Variants in CSMD1 observed in about 807,000 individuals in gnomAD.
CSMD1 encodes CUB and Sushi multiple domains 1.
In CSMD1, 213 loss-of-function variants were observed where a neutral mutation model predicts 417.5. That is an observed-to-expected ratio of 0.51 (90% CI 0.46 to 0.57). The LOEUF (loss-of-function observed/expected upper bound fraction) is 0.57. Ranked by LOEUF, CSMD1 falls within the 20% of genes least tolerant of loss-of-function variation. The pLI, the probability that CSMD1 is intolerant of heterozygous loss-of-function variation, is 0.00. For missense variants in CSMD1, 6,923 were observed against 4,529.7 expected, an observed-to-expected ratio of 1.53 and a Z score of -15.17; for synonymous variants, 2,862 against 1,736.8, an observed-to-expected ratio of 1.65 and a Z score of -16.11.
At chr8:3,301,743 G>C (rs556534035) in intron 25 of CSMD1, among the ~76,000 whole-genome samples, 157 of 152,264 alleles carry the variant, frequency 1.0e-3, no homozygotes, top group East Asian at 1.9e-4. Flanking sequence ...TATGGTTCTG[G>C]GTAAGGAGCT....
intron 3 of CSMD1, among the ~76,000 whole-genome samples, chr8:4,368,147 AT>A (rs1048339140): frequency 6.6e-6 from 1 of 152,094 alleles, no homozygotes; most frequent in African/African-American, 2.4e-5. Flanking sequence ...ATAGATGATC[AT>A]TTTTTTGAGA....
chr8:3,682,193 G>A (rs1261983004), intron 7 of CSMD1, among the ~76,000 whole-genome samples: 2 of 152,118 alleles, frequency 1.3e-5, no homozygotes, highest in African/African-American at 2.4e-5. Context: ...TGACAAATGG[G>A]ATCTAATTAA....
chr8:3,933,221 G>C (rs1584990181), intron 5 of CSMD1, among the ~76,000 whole-genome samples: 1 of 135,680 alleles, frequency 7.4e-6, no homozygotes, highest in East Asian at 2.1e-4. Context: ...TTGTTAAGTA[G>C]AAAAGGAGAA....
chr8:4,664,122 C>T (rs973476015), intron 1 of CSMD1, among the ~76,000 whole-genome samples: 2 of 152,202 alleles, frequency 1.3e-5, no homozygotes, highest in African/African-American at 2.4e-5. Context: ...AAATTTCTCA[C>T]ACCTGGACAG....
rs181744125 is a variant in CSMD1 at position 4,698,292 on chromosome 8, T to C, written c.86-60734A>G. Among the ~76,000 whole-genome samples the C allele has an allele frequency of 6.9e-3, 1,050 of 152,244 alleles. 13 individuals are homozygous for C. The highest frequency in any genetic ancestry group is 0.027 in the Middle Eastern group (8 of 294). ...GTGTCGAATGCTGTATAAAGGCTCGTTTCAAATGAGTTTTTGATGAACAAC... is the reference window on the plus strand; with the variant it reads ...GTGTCGAATGCTGTATAAAGGCTCGCTTCAAATGAGTTTTTGATGAACAAC... On this transcript the variant is annotated intron_variant, in intron 1 of 69. Coordinates refer to ENST00000635120, the MANE Select transcript of CSMD1 (RefSeq NM_033225.6).
Position 3,550,325 on chromosome 8 carries a change from G to C in CSMD1, c.1344+24620C>G, listed in dbSNP as rs560344380. Among the ~76,000 whole-genome samples, 11 of 151,980 alleles carry C rather than the reference G, an allele frequency of 7.2e-5. No homozygotes were observed. In the East Asian group the frequency reaches 2.1e-3, roughly 29 times the overall value. On this transcript the variant is annotated intron_variant, in intron 10 of 69. Transcript: ENST00000635120. ...ATTCCCACCTTTTTGGCATTTCTTG[G>C]ACACAGCAAACTCATTCCTACTCCA...
chr8:3,070,970 C>A (rs10086375), intron 49 of CSMD1, among the ~76,000 whole-genome samples: 3,353 of 152,276 alleles, frequency 0.022, 113 homozygotes, highest in African/African-American at 0.077. Context: ...GGCATCTGTT[C>A]AGCTCCTGGG....
At chr8:4,221,002 C>A (rs1422390185) in intron 3 of CSMD1, among the ~76,000 whole-genome samples, 1 of 152,176 alleles carries the variant, frequency 6.6e-6, no homozygotes, top group Non-Finnish European at 1.5e-5. Flanking sequence ...CTCTGCCATG[C>A]CATGTGCCCG....
intron 5 of CSMD1, among the ~76,000 whole-genome samples, chr8:3,838,362 A>G (rs1802840205): frequency 6.6e-6 from 1 of 151,264 alleles, no homozygotes; most frequent in Non-Finnish European, 1.5e-5. Context: ...GTCGTGAGAC[A>G]CTGTCTCTAC....
chr8:3,630,094 G>A (rs555027528), intron 7 of CSMD1, among the ~76,000 whole-genome samples: 1 of 152,340 alleles, frequency 6.6e-6, no homozygotes, highest in Non-Finnish European at 1.5e-5. Flanking sequence ...CACTTTAAAA[G>A]AGAAATAGAA....
chr8:4,127,852 A>T (rs541444463), intron 3 of CSMD1, among the ~76,000 whole-genome samples: 1 of 152,250 alleles, frequency 6.6e-6, no homozygotes, highest in Non-Finnish European at 1.5e-5. Context: ...ACTGTTTTGC[A>T]GATGAAGAAA....
intron 3 of CSMD1, among the ~76,000 whole-genome samples, chr8:4,272,817 C>T (rs1159047063): frequency 6.6e-6 from 1 of 152,062 alleles, no homozygotes; most frequent in East Asian, 1.9e-4. Context: ...CACTATATAC[C>T]TTTGCTTGTA....
intron 10 of CSMD1, among the ~76,000 whole-genome samples, chr8:3,548,963 C>G (rs1400772651): frequency 6.6e-6 from 1 of 152,124 alleles, no homozygotes. Flanking sequence ...TGTCTTAACT[C>G]TGCTCTTGCA....
At chr8:3,241,072 G>GAA (rs1554480614) in intron 26 of CSMD1, among the ~76,000 whole-genome samples, 1 of 148,436 alleles carries the variant, frequency 6.7e-6, no homozygotes, top group Non-Finnish European at 1.5e-5. Context: ...AAGGTGAGGG[G>GAA]ATACAAGAGG....
intron 3 of CSMD1, among the ~76,000 whole-genome samples, chr8:4,212,748 A>ATTTTTTTTTTT (rs1233118651): frequency 2.6e-4 from 26 of 101,890 alleles, no homozygotes; most frequent in African/African-American, 1.1e-3. Context: ...CAGCGGCCTT[A>ATTTTTTTTTTT]TTCTTTTTTT....
intron 3 of CSMD1, among the ~76,000 whole-genome samples, chr8:4,050,333 C>A (rs1032332329): frequency 1.3e-5 from 2 of 152,140 alleles, no homozygotes; most frequent in Non-Finnish European, 2.9e-5. Context: ...GCTAGTTATA[C>A]ACAGAGCACC....
chr8:3,391,835 G>A (rs568407600), intron 17 of CSMD1, among the ~76,000 whole-genome samples: 4 of 152,236 alleles, frequency 2.6e-5, no homozygotes, highest in South Asian at 2.1e-4. Flanking sequence ...ATGAAGAAGC[G>A]TCATTAATAA....
At chr8:4,314,231 C>G (rs1338153247) in intron 3 of CSMD1, among the ~76,000 whole-genome samples, 1 of 151,928 alleles carries the variant, frequency 6.6e-6, no homozygotes. Context: ...AGTTAAGTCA[C>G]AACACAATGC....
chr8:4,009,861 G>C (rs1197369688), intron 4 of CSMD1, among the ~76,000 whole-genome samples: 1 of 152,002 alleles, frequency 6.6e-6, no homozygotes, highest in African/African-American at 2.4e-5. Flanking sequence ...AGGCCATTAA[G>C]AGGGTACTCT....
Sources: allele counts gnomAD v4.1 joint callset (sites outside exome capture counted in the v4.1 genomes callset), GRCh38; gene constraint gnomAD v4.1.1; transcripts MANE v1.5; gene names NCBI Gene and HGNC (gene_info 2026-07-23, HGNC 2026-07-21).